Variants in HSPA14 observed in about 807,000 individuals in gnomAD.
HSPA14 encodes heat shock protein family A (Hsp70) member 14.
In HSPA14, 37 loss-of-function variants were observed where a neutral mutation model predicts 65.5. The ratio of observed to expected loss-of-function variants is 0.56; its 90% CI spans 0.43 to 0.74. The LOEUF is 0.74. HSPA14 is among the 30% of genes least tolerant of loss of function. The pLI, the probability that HSPA14 is intolerant of heterozygous loss-of-function variation, is 0.00. For synonymous variants in HSPA14, 203 were observed against 214.2 expected (o/e 0.95, Z 0.46); for missense variants, 564 against 607.6 (o/e 0.93, Z 0.75).
intron 12 of HSPA14, 84 bp downstream of exon 12, chr10:14,867,993 G>GTA (rs979840559): frequency 2.4e-5 from 26 of 1,088,340 alleles, no homozygotes; most frequent in East Asian, 1.8e-4. Flanking sequence ...TACAAAATGT[G>GTA]TATATATATA....
In HSPA14 at chr10:14,840,041, A is replaced by AT. The variant is rs369932329; in HGVS notation, c.139-34_139-33insT. On this transcript the variant is annotated intron_variant, in intron 2 of 13. Coordinates refer to ENST00000378372, the MANE Select transcript of HSPA14 (RefSeq NM_016299.4). ...AATAATTTAAAATTACATACATTGT[A>AT]ATATATATATATATATATTATTTTT... 5.8e-4 allele frequency: 696 copies of AT among 1,194,508 alleles called. 5 individuals carry two copies. Among genetic ancestry groups the AT allele is most frequent in the South Asian group, 3.7e-4 (21 of 56,564 alleles). The allele number at this position is 1,194,508 out of a possible 1,614,324, so 74.0% of individuals were successfully genotyped here.
intron 3 of HSPA14, chr10:14,846,544 A>C: frequency 1.0e-6 from 1 of 985,364 alleles, no homozygotes; most frequent in African/African-American, 1.7e-5. Context: ...CAAGCCAGGA[A>C]TCTGCCTATG....
intron 3 of HSPA14, chr10:14,844,583 G>A (rs1166536863): frequency 1.2e-5 from 12 of 985,200 alleles, no homozygotes; most frequent in African/African-American, 1.7e-5. Flanking sequence ...TTGTCAAACC[G>A]TCTTTCTCTC....
rs182110406 is a variant in HSPA14 at position 14,870,221 on chromosome 10, A to G, written c.1381-376A>G. 6.5e-4 allele frequency among the ~76,000 whole-genome samples: 99 copies of G among 151,900 alleles called. 2 individuals are homozygous for G. The highest frequency in any genetic ancestry group is 6.5e-3 in the Admixed American group (99 of 15,270). On this transcript the variant is annotated intron_variant, in intron 12 of 13. Coordinates refer to ENST00000378372, the MANE Select transcript of HSPA14 (RefSeq NM_016299.4). ...TGCTTGATTTTTTTTTTTTAAGTATATATAGAAAGCTAGCCAAATTATAAT... is the reference window on the plus strand; with the variant it reads ...TGCTTGATTTTTTTTTTTTAAGTATGTATAGAAAGCTAGCCAAATTATAAT...
chr10:14,866,998 G>T, intron 10 of HSPA14, 85 bp from the exon 11 acceptor site: 2 of 900,402 alleles, frequency 2.2e-6, no homozygotes, highest in Non-Finnish European at 1.8e-6. Flanking sequence ...TACATACGAT[G>T]AAGATGACTC....
chr10:14,867,470 T>C lies in HSPA14; in HGVS notation c.1206+175T>C, dbSNP rs141827894. Among the ~76,000 whole-genome samples the C allele has an allele frequency of 2.9e-3, 436 of 152,360 alleles. 2 individuals carry two copies. The highest frequency in any genetic ancestry group is 6.8e-3 in the Middle Eastern group (2 of 294). ...AATCCTACTTTTAAGGTATGTCTTATATTCTTTTAGTTAATATTTCTCTAA... is the reference window on the plus strand; with the variant it reads ...AATCCTACTTTTAAGGTATGTCTTACATTCTTTTAGTTAATATTTCTCTAA... On this transcript the variant is annotated intron_variant, in intron 11 of 13. Transcript: ENST00000378372.
At position 14,838,386 on chromosome 10, in the gene HSPA14, GC is replaced by G; in HGVS notation, c.-15del. On this transcript the variant is annotated 5_prime_UTR_variant, in exon 1 of 14. Coordinates refer to ENST00000378372, the MANE Select transcript of HSPA14 (RefSeq NM_016299.4). Reference sequence around the variant, plus strand: ...GGGGGACCCCCTCATTCCTGCCGCTGCCGTCCCTGCTGCCTCATGGCGGCCA... The same window carrying G: ...GGGGGACCCCCTCATTCCTGCCGCTGCGTCCCTGCTGCCTCATGGCGGCCA... 6.3e-7 allele frequency: 1 copy of G among 1,597,224 alleles called. No individual in the cohort carries two copies.
At chr10:14,864,326 T>A (rs993865845) in intron 10 of HSPA14, among the ~76,000 whole-genome samples, 4 of 150,666 alleles carry the variant, frequency 2.7e-5, no homozygotes, top group Admixed American at 2.6e-4. Context: ...CTTTTTTTTT[T>A]ATTTTTATAT....
intron 3 of HSPA14, among the ~76,000 whole-genome samples, chr10:14,841,912 A>G (rs772981618): frequency 2.2e-4 from 33 of 152,166 alleles, no homozygotes; most frequent in Admixed American, 1.2e-3. Flanking sequence ...TTACAGATCC[A>G]TTGTTGTACC....
At chr10:14,857,893 T>A (rs1030802839) in intron 10 of HSPA14, among the ~76,000 whole-genome samples, 1 of 152,018 alleles carries the variant, frequency 6.6e-6, no homozygotes, top group African/African-American at 2.4e-5. Context: ...GTTCAATAAG[T>A]ATATATTTTG....
Position 14,851,343 on chromosome 10 carries a change from T to C in HSPA14, c.572+20T>C. ...AAAAAGGTAAAGATCATATTTGCAG[T>C]TTTAGGTTTTTTGAGTGCAGAAAAC... On this transcript the variant is annotated intron_variant, in intron 7 of 13. Transcript: ENST00000378372. The C allele has an allele frequency of 7.1e-7, 1 of 1,407,266 alleles. No individual in the cohort carries two copies. Among genetic ancestry groups the C allele is most frequent in the East Asian group, 2.3e-5 (1 of 43,844 alleles). The allele number at this position is 1,407,266 out of a possible 1,614,324, so 87.2% of individuals were successfully genotyped here.
Position 14,842,429 on chromosome 10 carries a change from C to A in HSPA14, c.221+2272C>A. The A allele has an allele frequency of 6.5e-7, 1 of 1,536,166 alleles. No individual in the cohort carries two copies. Among genetic ancestry groups the A allele is most frequent in the East Asian group, 2.4e-5 (1 of 40,926 alleles). ...AGATGTCTATCAGGCTGTGTCTAAG[C>A]GAATGCAGCAGGAGGGCTTCCGCCG... On this transcript the variant is annotated intron_variant, in intron 3 of 13. Coordinates refer to ENST00000378372, the MANE Select transcript of HSPA14 (RefSeq NM_016299.4). This position sits in a 1 kb window ranked among gnomAD's most constrained non-coding sequence, Gnocchi z 5.2.
Position 14,871,522 on chromosome 10 carries a change from G to T in HSPA14, c.1452-6G>T. 6.4e-7 allele frequency: 1 copy of T among 1,559,064 alleles called. No homozygotes were observed. The highest frequency in any genetic ancestry group is 8.8e-7 in the Non-Finnish European group (1 of 1,138,562). ...TGCAATGTTCTTTATTTTTTTGTCT[G>T]TTTAGGGATGGATCTTTACATGTGA... On this transcript the variant is annotated splice_region_variant and splice_polypyrimidine_tract_variant and intron_variant, in intron 13 of 13. Transcript: ENST00000378372.
At chr10:14,844,499 C>G in intron 3 of HSPA14, 11 of 754,588 alleles carry the variant, frequency 1.5e-5, no homozygotes, top group African/African-American at 3.2e-5. Context: ...ACTATAAGCA[C>G]AACCTGTATT....
chr10:14,844,146 A>G, intron 3 of HSPA14: 1 of 1,312,940 alleles, frequency 7.6e-7, no homozygotes. Context: ...GGTTCATCCT[A>G]GCTTTGTCAC....
Position 14,842,637 on chromosome 10 carries a change from C to T in HSPA14, c.221+2480C>T. 6.5e-7 allele frequency: 1 copy of T among 1,536,126 alleles called. No homozygotes were observed. Among genetic ancestry groups the T allele is most frequent in the African/African-American group, 1.4e-5 (1 of 73,124 alleles). On this transcript the variant is annotated intron_variant, in intron 3 of 13. Coordinates refer to ENST00000378372, the MANE Select transcript of HSPA14 (RefSeq NM_016299.4). This position sits in a 1 kb window ranked among gnomAD's most constrained non-coding sequence, Gnocchi z 5.2. ...AACTTAATGGAGGATGCTGCTTGGG[C>T]CAAGCACTGTGATCAGAACTTAGTG...
chr10:14,867,556 G>T (rs10906773), intron 11 of HSPA14, among the ~76,000 whole-genome samples, 180 bp from the exon 12 acceptor site: 62,039 of 151,972 alleles, frequency 0.41, 14,734 homozygotes, highest in African/African-American at 0.66. Flanking sequence ...CTAATATAGA[G>T]AGAGGTATGT....
intron 3 of HSPA14, chr10:14,846,731 C>G: frequency 1.0e-6 from 1 of 985,178 alleles, no homozygotes; most frequent in Non-Finnish European, 1.2e-6. Context: ...ATGTAAGGCA[C>G]TGTCATGTAA....
In HSPA14 at chr10:14,848,774, G is replaced by A. The variant is rs762245443; in HGVS notation, c.271-16G>A. The A allele has an allele frequency of 1.4e-6, 2 of 1,463,336 alleles. No homozygotes were observed. Among genetic ancestry groups the A allele is most frequent in the Admixed American group, 1.9e-5 (1 of 52,716 alleles). 90.6% of individuals were successfully genotyped at this position (1,463,336 alleles called of 1,614,324 possible). On this transcript the variant is annotated splice_polypyrimidine_tract_variant and intron_variant, in intron 4 of 13. Transcript: ENST00000378372. ...TAAAAATTATTTATTTAGCATAATTGTAATTTATTTTATAGGTCATTGAAA... is the reference window on the plus strand; with the variant it reads ...TAAAAATTATTTATTTAGCATAATTATAATTTATTTTATAGGTCATTGAAA...
Sources: gnomAD v4.1 joint callset for allele counts (sites outside exome capture counted in the v4.1 genomes callset) on GRCh38, gnomAD v4.1.1 for gene constraint, Gnocchi (gnomAD v3.1) non-coding constraint, MANE v1.5 for transcripts, NCBI Gene and HGNC (gene_info 2026-07-23, HGNC 2026-07-21) for gene names.